Variants in CNTNAP2 observed in about 807,000 individuals in gnomAD.
CNTNAP2 encodes contactin-associated protein-like 2.
A neutral mutation model predicts 155.2 loss-of-function variants in CNTNAP2; 98 were observed. That is an observed-to-expected ratio of 0.63 (90% CI 0.54 to 0.75). CNTNAP2 has a LOEUF of 0.75. Ranked by LOEUF, CNTNAP2 falls within the 30% of genes least tolerant of loss-of-function variation. CNTNAP2 has a pLI of 0.00. For missense variants in CNTNAP2, 1,727 were observed against 1,688.1 expected (o/e 1.02, Z -0.40); for synonymous variants, 651 against 631.2 (o/e 1.03, Z -0.47).
chr7:147,423,352 T>C (rs1797328202), intron 10 of CNTNAP2, among the ~76,000 whole-genome samples: 2 of 152,196 alleles, frequency 1.3e-5, no homozygotes, highest in African/African-American at 2.4e-5. Flanking sequence ...GTAATTTATA[T>C]GCCCAAAGAA....
intron 4 of CNTNAP2, among the ~76,000 whole-genome samples, chr7:147,076,015 T>A (rs2129266909): frequency 6.6e-6 from 1 of 152,366 alleles, no homozygotes; most frequent in South Asian, 2.1e-4. Context: ...CCACATTTTC[T>A]TAATCCAGTC....
chr7:148,188,442 T>C (rs13230925), intron 18 of CNTNAP2, among the ~76,000 whole-genome samples: 23,487 of 152,202 alleles, frequency 0.15, 2,373 homozygotes, highest in South Asian at 0.22. Context: ...GAGGAGATAG[T>C]TAAGATGACT....
chr7:146,394,717 G>A (rs1795595055), intron 1 of CNTNAP2, among the ~76,000 whole-genome samples: 1 of 152,026 alleles, frequency 6.6e-6, no homozygotes, highest in African/African-American at 2.4e-5. Context: ...TATTAGTATG[G>A]TTATTTCACA....
At chr7:146,924,184 A>G (rs944870874) in intron 3 of CNTNAP2, among the ~76,000 whole-genome samples, 8 of 152,106 alleles carry the variant, frequency 5.3e-5, no homozygotes, top group Non-Finnish European at 1.2e-4. Context: ...AGGCCTTGTC[A>G]GGTTTCTTGT....
chr7:147,606,818 C>T (rs538604569), intron 12 of CNTNAP2, among the ~76,000 whole-genome samples: 10 of 152,024 alleles, frequency 6.6e-5, no homozygotes, highest in Non-Finnish European at 1.5e-4. Flanking sequence ...CTGACAAGTG[C>T]TTTGAAGCTG....
intron 11 of CNTNAP2, among the ~76,000 whole-genome samples, chr7:147,548,101 A>T (rs957902653): frequency 1.3e-5 from 2 of 152,192 alleles, no homozygotes; most frequent in Admixed American, 1.3e-4. Flanking sequence ...AATGATTTAT[A>T]ATACTTTGGG....
chr7:147,091,133 A>G (rs1050634586), intron 4 of CNTNAP2, among the ~76,000 whole-genome samples: 3 of 152,088 alleles, frequency 2.0e-5, no homozygotes, highest in Admixed American at 1.3e-4. Context: ...TCGGATGATC[A>G]TGGAGTCTCT....
At chr7:148,125,819 A>G (rs1458607273) in intron 16 of CNTNAP2, among the ~76,000 whole-genome samples, 1 of 151,450 alleles carries the variant, frequency 6.6e-6, no homozygotes, top group Non-Finnish European at 1.5e-5. Flanking sequence ...CTCCTGCCTC[A>G]GCCTCCCAAG....
chr7:148,094,722 G>C (rs968045969), intron 15 of CNTNAP2, among the ~76,000 whole-genome samples: 5 of 152,316 alleles, frequency 3.3e-5, no homozygotes, highest in Non-Finnish European at 7.3e-5. Context: ...CTAAGATGAA[G>C]ACCACAAGAG....
At chr7:148,415,161 G>A (rs931014489) in intron 23 of CNTNAP2, among the ~76,000 whole-genome samples, 1 of 152,182 alleles carries the variant, frequency 6.6e-6, no homozygotes, top group African/African-American at 2.4e-5. Context: ...TCTAATGTCT[G>A]TAGACTGTCA....
chr7:147,753,715 G>A (rs1341779798), intron 13 of CNTNAP2, among the ~76,000 whole-genome samples: 1 of 152,152 alleles, frequency 6.6e-6, no homozygotes, highest in East Asian at 1.9e-4. Flanking sequence ...CAAAAGAGAT[G>A]AAGGTCGCAC....
chr7:146,416,325 T>C (rs1035377453), intron 1 of CNTNAP2, among the ~76,000 whole-genome samples: 1 of 151,562 alleles, frequency 6.6e-6, no homozygotes. Context: ...ATATAAATGT[T>C]AAGGACGTAC....
intron 14 of CNTNAP2, among the ~76,000 whole-genome samples, chr7:147,941,309 T>C (rs1800717651): frequency 6.6e-6 from 1 of 152,094 alleles, no homozygotes; most frequent in Non-Finnish European, 1.5e-5. Flanking sequence ...GTAAACAAAA[T>C]GGCAGCCGAG....
At chr7:147,512,488 A>G (rs1248405765) in intron 11 of CNTNAP2, among the ~76,000 whole-genome samples, 1 of 152,222 alleles carries the variant, frequency 6.6e-6, no homozygotes, top group Non-Finnish European at 1.5e-5. Flanking sequence ...TCCAGAATCT[A>G]GCCATATTCA....
chr7:148,024,475 T>C (rs1180878889), intron 15 of CNTNAP2, among the ~76,000 whole-genome samples: 1 of 152,204 alleles, frequency 6.6e-6, no homozygotes, highest in African/African-American at 2.4e-5. Context: ...CCCTCATTAT[T>C]ACTATCTGAA....
chr7:146,167,415 A>G (rs574703946), intron 1 of CNTNAP2, among the ~76,000 whole-genome samples: 4 of 152,188 alleles, frequency 2.6e-5, no homozygotes, highest in African/African-American at 7.2e-5. Flanking sequence ...TAATTTTGTT[A>G]ATGGCATTGC....
chr7:147,437,817 A>G (rs189588199), intron 10 of CNTNAP2, among the ~76,000 whole-genome samples: 20 of 152,244 alleles, frequency 1.3e-4, no homozygotes, highest in Admixed American at 1.0e-3. Context: ...GATTCTTCCA[A>G]TCCATAAAAA....
At chr7:147,867,962 G>T (rs764055565) in intron 13 of CNTNAP2, among the ~76,000 whole-genome samples, 1 of 152,134 alleles carries the variant, frequency 6.6e-6, no homozygotes, top group Non-Finnish European at 1.5e-5. Context: ...GCTTGTCAAT[G>T]TCATTCTCTG....
At chr7:147,777,869 ATAG>A (rs1797608976) in intron 13 of CNTNAP2, among the ~76,000 whole-genome samples, 2 of 152,190 alleles carry the variant, frequency 1.3e-5, no homozygotes, top group Non-Finnish European at 2.9e-5. Flanking sequence ...TGTTCTATAT[ATAG>A]TATTTTAAAT....
Sources: gnomAD v4.1 joint callset for allele counts (sites outside exome capture counted in the v4.1 genomes callset) on GRCh38, gnomAD v4.1.1 for gene constraint, MANE v1.5 for transcripts, NCBI Gene and HGNC (gene_info 2026-07-23, HGNC 2026-07-21) for gene names.